MACROD2: variants seen among roughly 807,000 people sequenced by gnomAD.
The protein encoded by MACROD2 is ADP-ribose glycohydrolase MACROD2.
In MACROD2, 36 loss-of-function variants were observed where a neutral mutation model predicts 70.4. The observed-to-expected ratio is 0.51, with a 90% CI of 0.39 to 0.68. MACROD2 has a LOEUF of 0.68. Among genes scored for constraint, MACROD2 ranks in the 30% least tolerant of loss-of-function variants. The probability of loss-of-function intolerance (pLI) is 0.00; values close to 1 mark genes in which losing one functional copy is unlikely to be tolerated. For missense variants in MACROD2, 496 were observed against 538.4 expected (o/e 0.92, Z 0.78); for synonymous variants, 172 against 178.8 (o/e 0.96, Z 0.30).
intron 3 of MACROD2, among the ~76,000 whole-genome samples, chr20:14,167,266 T>C (rs1290996515): frequency 1.3e-5 from 2 of 152,154 alleles, no homozygotes; most frequent in South Asian, 4.1e-4. Context: ...TTTTGTCCTA[T>C]GTTATTTATT....
At chr20:14,335,106 C>G (rs2082913346) in intron 3 of MACROD2, among the ~76,000 whole-genome samples, 1 of 152,126 alleles carries the variant, frequency 6.6e-6, no homozygotes, top group Non-Finnish European at 1.5e-5. Context: ...GGGCTTAAAA[C>G]TGTTCAAAAT....
chr20:15,674,214 G>A (rs1458019369), intron 8 of MACROD2, among the ~76,000 whole-genome samples: 2 of 152,078 alleles, frequency 1.3e-5, no homozygotes, highest in East Asian at 3.9e-4. Context: ...GACCATAGTG[G>A]GGACAAGATG....
chr20:15,918,757 G>T (rs1371160405), intron 10 of MACROD2, among the ~76,000 whole-genome samples: 1 of 152,162 alleles, frequency 6.6e-6, no homozygotes, highest in Non-Finnish European at 1.5e-5. Flanking sequence ...TGCCTTACGG[G>T]TAGTGTGCTC....
intron 5 of MACROD2, among the ~76,000 whole-genome samples, chr20:15,030,519 C>G (rs2075266520): frequency 6.6e-6 from 1 of 152,164 alleles, no homozygotes; most frequent in South Asian, 2.1e-4. Context: ...CTAGTTGCCC[C>G]AGCAGTCACC....
At chr20:16,013,629 C>G (rs1312616236) in intron 15 of MACROD2, among the ~76,000 whole-genome samples, 1 of 152,198 alleles carries the variant, frequency 6.6e-6, no homozygotes, top group Non-Finnish European at 1.5e-5. Context: ...TCTGACTCTC[C>G]ATGGCCACGT....
chr20:15,532,490 A>C (rs2047817147), intron 8 of MACROD2, among the ~76,000 whole-genome samples: 1 of 152,076 alleles, frequency 6.6e-6, no homozygotes, highest in African/African-American at 2.4e-5. Flanking sequence ...ACCAATCAAC[A>C]AACTTGGCAC....
intron 5 of MACROD2, among the ~76,000 whole-genome samples, chr20:14,728,679 A>G (rs964331545): frequency 3.9e-5 from 6 of 152,286 alleles, no homozygotes; most frequent in Middle Eastern, 3.4e-3. Context: ...AAGTTTATTT[A>G]TTTAAAAAAA....
chr20:15,716,609 T>G (rs1345627485), intron 8 of MACROD2, among the ~76,000 whole-genome samples: 1 of 152,200 alleles, frequency 6.6e-6, no homozygotes, highest in Non-Finnish European at 1.5e-5. Context: ...TTACAGTGTT[T>G]TAAAAAACTT....
chr20:14,255,207 A>G (rs962830943), intron 3 of MACROD2, among the ~76,000 whole-genome samples: 3 of 152,122 alleles, frequency 2.0e-5, no homozygotes, highest in Admixed American at 1.3e-4. Context: ...AAATGCTCCA[A>G]TTAAAAGACA....
chr20:14,451,238 T>G (rs2084241706), intron 3 of MACROD2, among the ~76,000 whole-genome samples: 1 of 152,036 alleles, frequency 6.6e-6, no homozygotes, highest in African/African-American at 2.4e-5. Context: ...GGTCAGGAGT[T>G]TGAGACCAGC....
At chr20:14,409,840 T>C (rs2083730833) in intron 3 of MACROD2, among the ~76,000 whole-genome samples, 1 of 152,094 alleles carries the variant, frequency 6.6e-6, no homozygotes, top group Non-Finnish European at 1.5e-5. Flanking sequence ...GGATGGAAAC[T>C]CCAACTGCTG....
At position 14,086,261 on chromosome 20, in the gene MACROD2, A is replaced by G. The variant is rs969667418; in HGVS notation, c.271+533A>G. ...CATATTTTAATTATTTTTAATAATTAGTTGTCTAGTTAATTTTCCTATTTC... is the reference window on the plus strand; with the variant it reads ...CATATTTTAATTATTTTTAATAATTGGTTGTCTAGTTAATTTTCCTATTTC... On this transcript the variant is annotated intron_variant, in intron 3 of 17. Coordinates refer to ENST00000684519, the MANE Select transcript of MACROD2 (RefSeq NM_001351661.2). 7 of 345,168 alleles carry G rather than the reference A, an allele frequency of 2.0e-5. No individual in the cohort carries two copies. The Admixed American group carries it at 2.4e-4, about 12-fold the overall frequency. 21.4% of individuals were successfully genotyped at this position (345,168 alleles called of 1,614,324 possible).
chr20:15,327,569 A>G (rs1028606991), intron 6 of MACROD2, among the ~76,000 whole-genome samples: 1 of 152,228 alleles, frequency 6.6e-6, no homozygotes, highest in South Asian at 2.1e-4. Flanking sequence ...AAACCCTCAG[A>G]TCTCACGAGA....
intron 4 of MACROD2, among the ~76,000 whole-genome samples, chr20:14,508,172 C>T (rs2084990242): frequency 6.6e-6 from 1 of 152,148 alleles, no homozygotes; most frequent in African/African-American, 2.4e-5. Context: ...CCGTTAGGAT[C>T]AGTGAAAACA....
chr20:14,491,659 G>A (rs375993816), intron 3 of MACROD2, among the ~76,000 whole-genome samples: 2 of 152,204 alleles, frequency 1.3e-5, no homozygotes, highest in Non-Finnish European at 2.9e-5. Context: ...GCCTTGGGCT[G>A]TGCTCTCAAA....
At chr20:14,075,712 C>A (rs2148663463) in intron 2 of MACROD2, among the ~76,000 whole-genome samples, 1 of 152,248 alleles carries the variant, frequency 6.6e-6, no homozygotes, top group Admixed American at 6.5e-5. Context: ...CTTTTTCTTC[C>A]CTACTTCAGC....
chr20:14,012,991 G>A (rs995713275), intron 2 of MACROD2, among the ~76,000 whole-genome samples: 1 of 152,132 alleles, frequency 6.6e-6, no homozygotes, highest in Non-Finnish European at 1.5e-5. Context: ...TGATCTATAA[G>A]TGTGTGCATA....
intron 5 of MACROD2, chr20:14,757,989 C>G: frequency 1.2e-6 from 1 of 809,584 alleles, no homozygotes; most frequent in South Asian, 1.3e-5. Flanking sequence ...GAGGCTGGGA[C>G]TGGGTCAGCA....
At chr20:15,028,987 C>T (rs2075254619) in intron 5 of MACROD2, among the ~76,000 whole-genome samples, 1 of 152,158 alleles carries the variant, frequency 6.6e-6, no homozygotes, top group African/African-American at 2.4e-5. Flanking sequence ...TTCAGCATAT[C>T]TGCTGCAGAG....
Sources: gnomAD v4.1 joint callset for allele counts (sites outside exome capture counted in the v4.1 genomes callset) on GRCh38, gnomAD v4.1.1 for gene constraint, MANE v1.5 for transcripts, NCBI Gene and HGNC (gene_info 2026-07-23, HGNC 2026-07-21) for gene names.